Variants in ANO10 observed in about 807,000 individuals in gnomAD.
The protein encoded by ANO10 is anoctamin 10, also known as anoctamin-10.
Under a neutral mutation model 74.7 loss-of-function variants are expected in ANO10, and 77 were observed. That is an observed-to-expected ratio of 1.03 (90% CI 0.86 to 1.25). The LOEUF (loss-of-function observed/expected upper bound fraction) is 1.25. Ranked by LOEUF, ANO10 falls within the 50% of genes most tolerant of loss-of-function variation. The probability of loss-of-function intolerance (pLI) is 0.00; values close to 1 mark genes in which losing one functional copy is unlikely to be tolerated. For synonymous variants in ANO10, 279 were observed against 284.9 expected (o/e 0.98, Z 0.21); for missense variants, 721 against 778.1 (o/e 0.93, Z 0.87).
intron 12 of ANO10, among the ~76,000 whole-genome samples, chr3:43,411,204 A>C (rs770949546): frequency 9.8e-5 from 15 of 152,370 alleles, no homozygotes; most frequent in Non-Finnish European, 1.3e-4. Context: ...GCACAAATAC[A>C]GTATGATTAA....
chr3:43,491,736 C>G (rs547955439), intron 11 of ANO10, among the ~76,000 whole-genome samples: 1 of 152,046 alleles, frequency 6.6e-6, no homozygotes, highest in Non-Finnish European at 1.5e-5. Flanking sequence ...ACTGAAGTTG[C>G]TGCAAACCCA....
At chr3:43,606,486 T>TA (rs1244882385) in intron 1 of ANO10, among the ~76,000 whole-genome samples, 1 of 151,990 alleles carries the variant, frequency 6.6e-6, no homozygotes, top group Non-Finnish European at 1.5e-5. Flanking sequence ...AGGGAGCTAT[T>TA]ACAGATCACA....
intron 1 of ANO10, among the ~76,000 whole-genome samples, chr3:43,640,591 C>CA (rs2149563428): frequency 6.6e-6 from 1 of 152,202 alleles, no homozygotes; most frequent in African/African-American, 2.4e-5. Context: ...CACCATGTAG[C>CA]AAAAAAGCAG....
intron 1 of ANO10, among the ~76,000 whole-genome samples, chr3:43,667,072 G>GTTTTTTTTTTTTT (rs55764466): frequency 5.3e-5 from 3 of 56,138 alleles, no homozygotes; most frequent in African/African-American, 1.4e-4. Context: ...TACAATGCAT[G>GTTTTTTTTTTTTT]TTTTTTTTTT....
intron 1 of ANO10, among the ~76,000 whole-genome samples, chr3:43,683,780 T>C (rs1408420021): frequency 1.3e-5 from 2 of 151,778 alleles, no homozygotes; most frequent in African/African-American, 4.8e-5. Flanking sequence ...ATACCACACA[T>C]CTACAACCAT....
chr3:43,390,228 G>A (rs955224419), intron 12 of ANO10, among the ~76,000 whole-genome samples: 34 of 152,176 alleles, frequency 2.2e-4, no homozygotes, highest in African/African-American at 7.2e-4. Flanking sequence ...ACTGGACGTT[G>A]AGCCCACCAC....
chr3:43,445,129 A>AAG (rs2093225552), intron 11 of ANO10, among the ~76,000 whole-genome samples: 1 of 151,078 alleles, frequency 6.6e-6, no homozygotes, highest in Non-Finnish European at 1.5e-5. Flanking sequence ...CCTCAAAAAA[A>AAG]AAAAAAAAAA....
chr3:43,545,742 T>C (rs978711954), intron 11 of ANO10, among the ~76,000 whole-genome samples: 3 of 152,166 alleles, frequency 2.0e-5, no homozygotes, highest in Non-Finnish European at 2.9e-5. Flanking sequence ...CAAATAAAAA[T>C]TGAAATATAT....
chr3:43,451,073 G>A (rs910812069), intron 11 of ANO10, among the ~76,000 whole-genome samples: 3 of 152,156 alleles, frequency 2.0e-5, no homozygotes, highest in African/African-American at 7.2e-5. Flanking sequence ...ATAATGTCGA[G>A]ATTACTTTGA....
At chr3:43,489,481 C>T (rs1163678192) in intron 11 of ANO10, among the ~76,000 whole-genome samples, 1 of 152,022 alleles carries the variant, frequency 6.6e-6, no homozygotes, top group Non-Finnish European at 1.5e-5. Context: ...ATAAATCCGC[C>T]TTTTCTCCTA....
intron 1 of ANO10, among the ~76,000 whole-genome samples, chr3:43,685,096 TAAAG>T (rs1440886588): frequency 2.6e-5 from 4 of 152,270 alleles, no homozygotes; most frequent in South Asian, 4.1e-4. Context: ...AGAAAAAAAA[TAAAG>T]ATTGTTTATT....
chr3:43,457,844 G>T (rs978424793), intron 11 of ANO10, among the ~76,000 whole-genome samples: 4 of 152,174 alleles, frequency 2.6e-5, no homozygotes, highest in Non-Finnish European at 5.9e-5. Flanking sequence ...CACTTGAAAT[G>T]CTCAGTGCAA....
intron 11 of ANO10, among the ~76,000 whole-genome samples, chr3:43,502,245 T>G (rs1341396953): frequency 3.3e-5 from 5 of 152,200 alleles, no homozygotes; most frequent in Non-Finnish European, 2.9e-5. Context: ...ATAGCTGCTA[T>G]AGTTTGTATA....
chr3:43,615,572 C>T (rs2083056874), intron 1 of ANO10, among the ~76,000 whole-genome samples: 1 of 151,742 alleles, frequency 6.6e-6, no homozygotes, highest in Non-Finnish European at 1.5e-5. Flanking sequence ...GTATAGAAGC[C>T]TCACATTTTC....
At chr3:43,656,976 C>G (rs552158485) in intron 1 of ANO10, among the ~76,000 whole-genome samples, 11 of 152,360 alleles carry the variant, frequency 7.2e-5, no homozygotes, top group Non-Finnish European at 1.6e-4. Context: ...ACTGCCAGCA[C>G]GCTGTCACCT....
At chr3:43,659,437 C>T (rs920722461) in intron 1 of ANO10, among the ~76,000 whole-genome samples, 2 of 152,268 alleles carry the variant, frequency 1.3e-5, no homozygotes, top group African/African-American at 4.8e-5. Flanking sequence ...CCCACGCCCA[C>T]GGAGCCTTGC....
At chr3:43,392,898 T>G (rs2092304858) in intron 12 of ANO10, among the ~76,000 whole-genome samples, 1 of 152,240 alleles carries the variant, frequency 6.6e-6, no homozygotes, top group Non-Finnish European at 1.5e-5. Flanking sequence ...GGGTCACCCG[T>G]GACCGCCATA....
intron 1 of ANO10, among the ~76,000 whole-genome samples, chr3:43,610,525 G>A (rs1246136810): frequency 2.0e-5 from 3 of 152,218 alleles, no homozygotes; most frequent in East Asian, 3.9e-4. Flanking sequence ...TGTTTACACC[G>A]GCATCACCAC....
intron 11 of ANO10, among the ~76,000 whole-genome samples, chr3:43,543,682 C>G (rs577249866): frequency 2.6e-5 from 4 of 152,180 alleles, no homozygotes; most frequent in African/African-American, 4.8e-5. Context: ...CTACTGCGCC[C>G]GGCCTCAATT....
Sources: allele counts gnomAD v4.1 joint callset (sites outside exome capture counted in the v4.1 genomes callset), GRCh38; gene constraint gnomAD v4.1.1; transcripts MANE v1.5; gene names NCBI Gene and HGNC (gene_info 2026-07-23, HGNC 2026-07-21).